Variants in NLRC4 observed in about 807,000 individuals in gnomAD.
The protein encoded by NLRC4 is NLR family CARD domain-containing protein 4.
In NLRC4, 63 loss-of-function variants were observed where a neutral mutation model predicts 79.9. The observed-to-expected ratio is 0.79, with a 90% CI of 0.64 to 0.97. NLRC4 has a LOEUF of 0.97. Ranked by LOEUF, NLRC4 falls within the 50% of genes least tolerant of loss-of-function variation. The pLI is 0.00. For synonymous variants in NLRC4, 461 were observed against 456.5 expected (o/e 1.01, Z -0.12); for missense variants, 1,074 against 1,215.2 (o/e 0.88, Z 1.73).
chr2:32,231,835 C>T (rs1686546402), intron 8 of NLRC4, among the ~76,000 whole-genome samples: 1 of 152,194 alleles, frequency 6.6e-6, no homozygotes. Context: ...GCTGGGATTA[C>T]AGGCGTGAGC....
At position 32,264,588 on chromosome 2, in the gene NLRC4, C is replaced by T. The variant is rs777969117; in HGVS notation, c.-119+150G>A. 5 of 151,974 alleles carry T rather than the reference C, an allele frequency of 3.3e-5. No individual in the cohort carries two copies. The South Asian group carries it at 6.2e-4, about 19-fold the overall frequency. The allele number at this position is 151,974 out of a possible 1,614,324, so 9.4% of individuals were successfully genotyped here. A position where few individuals can be genotyped will look rare whatever the true frequency, so the allele number is the denominator to read the frequency against. ...CGATTAACCACCCCTAAAGGTTTCTCGGCAGGCAAATCCAGCCAGGCATGC... is the reference window on the plus strand; with the variant it reads ...CGATTAACCACCCCTAAAGGTTTCTTGGCAGGCAAATCCAGCCAGGCATGC... On this transcript the variant is annotated intron_variant, in intron 1 of 8. Transcript: ENST00000402280.
chr2:32,251,002 G>A lies in NLRC4; in HGVS notation c.862C>T (p.Arg288Trp), dbSNP rs747147167. The A allele has an allele frequency of 2.2e-5, 36 of 1,614,062 alleles. No homozygotes were observed. Among genetic ancestry groups the A allele is most frequent in the East Asian group, 6.7e-5 (3 of 44,898 alleles). The change falls in exon 4 of 9, where the codon CGG (arginine) becomes TGG (tryptophan). Residue 288 changes from arginine (R) to tryptophan (W), a missense_variant. Coordinates refer to ENST00000402280, the MANE Select transcript of NLRC4 (RefSeq NM_001199138.2). ...TTTTECLRHI[R>W]QFGALTAEVG... is the part of the protein sequence containing the mutation. ...TCAGCAGTCAGGGCACCAAACTGCCGTATGTGCCTCAGGCACTCAGTGGTA... is the reference window on the plus strand; with the variant it reads ...TCAGCAGTCAGGGCACCAAACTGCCATATGTGCCTCAGGCACTCAGTGGTA...
intron 8 of NLRC4, among the ~76,000 whole-genome samples, chr2:32,231,435 G>A (rs1686529926): frequency 6.6e-6 from 1 of 151,204 alleles, no homozygotes; most frequent in South Asian, 2.1e-4. Flanking sequence ...GATTACAGGT[G>A]TCAGCCACCA....
intron 8 of NLRC4, among the ~76,000 whole-genome samples, chr2:32,231,581 G>GGA (rs371338197): frequency 2.7e-5 from 3 of 109,618 alleles, no homozygotes; most frequent in Admixed American, 1.9e-4. Context: ...TTGTGGGGGG[G>GGA]GGGTGGGGGA....
intron 8 of NLRC4, among the ~76,000 whole-genome samples, chr2:32,232,309 T>C (rs1456924112): frequency 6.6e-6 from 1 of 152,166 alleles, no homozygotes; most frequent in Non-Finnish European, 1.5e-5. Flanking sequence ...TTCTAAATAT[T>C]TTCGTTGAAA....
intron 1 of NLRC4, among the ~76,000 whole-genome samples, chr2:32,263,489 G>A (rs1687399395): frequency 1.3e-5 from 2 of 152,180 alleles, no homozygotes; most frequent in Non-Finnish European, 2.9e-5. Context: ...TAATATTAGT[G>A]TTATGTGCTG....
intron 1 of NLRC4, among the ~76,000 whole-genome samples, chr2:32,261,316 C>CCTTTTTTTTTTTT: frequency 4.1e-5 from 4 of 96,882 alleles, no homozygotes; most frequent in African/African-American, 1.2e-4. Context: ...AGCCTCCCCC[C>CCTTTTTTTTTTTT]TTTTGTTTTT....
At position 32,249,634 on chromosome 2, in the gene NLRC4, G is replaced by A. The variant is rs772214860; in HGVS notation, c.2230C>T (p.His744Tyr). 1 of 1,606,988 alleles carries A rather than the reference G, an allele frequency of 6.2e-7. No homozygotes were observed. Among genetic ancestry groups the A allele is most frequent in the East Asian group, 2.2e-5 (1 of 44,806 alleles). ...GGCAGCCGTTGATTCTGTAGGTCATGAATACTCAAGGTTTTCAGGTTTGTT... is the reference window on the plus strand; with the variant it reads ...GGCAGCCGTTGATTCTGTAGGTCATAAATACTCAAGGTTTTCAGGTTTGTT... Reference protein sequence around the residue: ...SVTNLKTLSIHDLQNQRLPGG... With the variant: ...SVTNLKTLSIYDLQNQRLPGG... The change falls in exon 4 of 9, where the codon CAT becomes TAT. Residue 744 changes from histidine to tyrosine, a missense_variant. His to Tyr is a moderately conservative substitution (Grantham distance 83). Coordinates refer to ENST00000402280, the MANE Select transcript of NLRC4 (RefSeq NM_001199138.2).
intron 4 of NLRC4, among the ~76,000 whole-genome samples, chr2:32,248,058 G>A (rs900001326): frequency 2.6e-5 from 4 of 152,000 alleles, no homozygotes; most frequent in African/African-American, 9.7e-5. Context: ...ATCTGATAAT[G>A]GTGGTTACAC....
chr2:32,255,243 G>A (rs886388494), intron 2 of NLRC4, among the ~76,000 whole-genome samples: 17 of 151,890 alleles, frequency 1.1e-4, no homozygotes, highest in South Asian at 2.1e-4. Flanking sequence ...AGCCTCACCC[G>A]GGCGCAGTGG....
chr2:32,252,122 G>C (rs1687092760), intron 3 of NLRC4, among the ~76,000 whole-genome samples: 1 of 152,184 alleles, frequency 6.6e-6, no homozygotes, highest in South Asian at 2.1e-4. Flanking sequence ...GGAATGCTGA[G>C]AACCACTGCT....
intron 4 of NLRC4, among the ~76,000 whole-genome samples, chr2:32,245,009 T>C (rs1328511021): frequency 6.6e-6 from 1 of 150,706 alleles, no homozygotes; most frequent in Non-Finnish European, 1.5e-5. Context: ...CTGAGCATTA[T>C]GTAGAAAATG....
At position 32,238,225 on chromosome 2, in the gene NLRC4, A is replaced by C; in HGVS notation, c.2428T>G (p.Tyr810Asp). Residue 810 changes from tyrosine (Y) to aspartate (D), a missense_variant, in exon 6 of 9, where the codon TAC becomes GAC. Transcript: ENST00000402280. Reference sequence around the variant, plus strand: ...TCACTTGACAGAGACTTGACTATGTAATCCATTCCCTCTCCAATGTCAGAC... The same window carrying C: ...TCACTTGACAGAGACTTGACTATGTCATCCATTCCCTCTCCAATGTCAGAC... ...HLSDIGEGMD[Y>D]IVKSLSSEPC... The C allele has an allele frequency of 6.2e-7, 1 of 1,613,578 alleles. No homozygotes were observed. The highest frequency in any genetic ancestry group is 8.5e-7 in the Non-Finnish European group (1 of 1,179,560).
chr2:32,250,594 T>G lies in NLRC4; in HGVS notation c.1270A>C (p.Thr424Pro), dbSNP rs573445459. 5.0e-6 allele frequency: 8 copies of G among 1,614,168 alleles called. No individual in the cohort carries two copies. The African/African-American group carries it at 6.7e-5, about 13-fold the overall frequency. The change falls in exon 4 of 9, where the codon ACT (threonine) becomes CCT (proline). Residue 424 changes from threonine (T) to proline (P), a missense_variant. By Grantham distance (38) the Thr-to-Pro change is conservative. Coordinates refer to ENST00000402280, the MANE Select transcript of NLRC4 (RefSeq NM_001199138.2). This position sits in a 1 kb window ranked among gnomAD's most constrained non-coding sequence, Gnocchi z 4.9. ...GCTGTATATTTACAGAGGAGCCCAGTTGTCAGCAGGACATCCTCATTCACG... is the reference window on the plus strand; with the variant it reads ...GCTGTATATTTACAGAGGAGCCCAGGTGTCAGCAGGACATCCTCATTCACG... ...SSVNEDVLLTTGLLCKYTAQR... is the reference protein window; with the variant it reads ...SSVNEDVLLTPGLLCKYTAQR...
intron 8 of NLRC4, among the ~76,000 whole-genome samples, chr2:32,224,978 G>A (rs191605932): frequency 2.0e-5 from 3 of 152,110 alleles, no homozygotes; most frequent in African/African-American, 7.2e-5. Flanking sequence ...TAGAGTATAA[G>A]GGAATCTGAT....
rs527755820 is a variant in NLRC4, at chr2:32,255,974, A to T, written c.1+801T>A. Among the ~76,000 whole-genome samples the T allele has an allele frequency of 2.7e-4, 41 of 152,048 alleles. No individual in the cohort carries two copies. In the South Asian group the frequency reaches 8.3e-3, roughly 31 times the overall value. The stretch of plus-strand genomic sequence containing the variant: ...GGTTGCAGTGAGCCAAGATCACACC[A>T]CTGCACTCCAGCCTGGGCTACAGAG... On this transcript the variant is annotated intron_variant, in intron 2 of 8. Coordinates refer to ENST00000402280, the MANE Select transcript of NLRC4 (RefSeq NM_001199138.2).
intron 1 of NLRC4, among the ~76,000 whole-genome samples, chr2:32,263,978 C>T (rs1275300306): frequency 1.3e-5 from 2 of 152,130 alleles, no homozygotes; most frequent in Non-Finnish European, 2.9e-5. Flanking sequence ...TACATAAAGA[C>T]CCTATCACGA....
intron 8 of NLRC4, among the ~76,000 whole-genome samples, chr2:32,234,150 G>C (rs1459893466): frequency 6.6e-6 from 1 of 152,124 alleles, no homozygotes; most frequent in African/African-American, 2.4e-5. Flanking sequence ...GGGAGGCCAG[G>C]GCAGGCGGAT....
intron 4 of NLRC4, among the ~76,000 whole-genome samples, chr2:32,248,795 ACT>A (rs1447722355): frequency 1.3e-5 from 2 of 152,034 alleles, no homozygotes; most frequent in Non-Finnish European, 2.9e-5. Context: ...AAAAGAATAA[ACT>A]CTGTCGTAAC....
Sources: allele counts gnomAD v4.1 joint callset (sites outside exome capture counted in the v4.1 genomes callset), GRCh38; gene constraint gnomAD v4.1.1; non-coding constraint Gnocchi (gnomAD v3.1); transcripts MANE v1.5; gene names NCBI Gene and HGNC (gene_info 2026-07-23, HGNC 2026-07-21).